Variants in WDR59 observed in about 807,000 individuals in gnomAD.
WDR59 encodes GATOR2 complex protein WDR59.
A neutral mutation model predicts 131.2 loss-of-function variants in WDR59; 100 were observed. That is an observed-to-expected ratio of 0.76 (90% confidence interval 0.65 to 0.90). WDR59 has a LOEUF of 0.90. WDR59 is among the 40% of genes least tolerant of loss of function. WDR59 has a pLI of 0.00. For synonymous variants in WDR59, 601 were observed against 466.2 expected, an observed-to-expected ratio of 1.29 and a Z score of -3.72; for missense variants, 1,203 against 1,262.2, an observed-to-expected ratio of 0.95 and a Z score of 0.71.
At chr16:74,959,594 T>C in intron 2 of WDR59, 3 of 430,384 alleles carry the variant, frequency 7.0e-6, no homozygotes, top group Non-Finnish European at 1.4e-5. Flanking sequence ...AGACCTTATC[T>C]GCATAAAGAA....
At chr16:74,928,236 C>T (rs2031046769) in intron 8 of WDR59, among the ~76,000 whole-genome samples, 1 of 129,358 alleles carries the variant, frequency 7.7e-6, no homozygotes, top group Non-Finnish European at 1.6e-5. Context: ...AGACAGAAGA[C>T]AGAATCTCAC....
chr16:74,906,615 G>GC (rs1827777252), intron 17 of WDR59, among the ~76,000 whole-genome samples: 1 of 152,172 alleles, frequency 6.6e-6, no homozygotes, highest in African/African-American at 2.4e-5. Context: ...TGGAAAGGAT[G>GC]CAACTATCTA....
At position 74,920,551 on chromosome 16, in the gene WDR59, C is replaced by G. The variant is rs115714458; in HGVS notation, c.886+1396G>C. Among the ~76,000 whole-genome samples, 745 of 152,310 alleles carry G rather than the reference C, an allele frequency of 4.9e-3. 7 individuals are homozygous for G. The highest frequency in any genetic ancestry group is 0.017 in the African/African-American group (716 of 41,560). ...AAGTAGCTGGGACTACAGGCATGCACTGCCACACCTGGCTCATTTTTGTAT... is the reference window on the plus strand; with the variant it reads ...AAGTAGCTGGGACTACAGGCATGCAGTGCCACACCTGGCTCATTTTTGTAT... On this transcript the variant is annotated intron_variant, in intron 10 of 25. Transcript: ENST00000262144.
At chr16:74,898,684 A>G (rs1965406693) in intron 18 of WDR59, among the ~76,000 whole-genome samples, 1 of 152,252 alleles carries the variant, frequency 6.6e-6, no homozygotes, top group Non-Finnish European at 1.5e-5. Context: ...AAATGGGTTG[A>G]ATGTAAAAGC....
At chr16:74,930,056 G>C (rs750904351) in intron 8 of WDR59, among the ~76,000 whole-genome samples, 26 of 152,168 alleles carry the variant, frequency 1.7e-4, no homozygotes, top group Admixed American at 8.5e-4. Context: ...GTAGAGCGGG[G>C]GGAGCCAGAA....
At chr16:74,940,890 C>T (rs1020817508) in intron 7 of WDR59, among the ~76,000 whole-genome samples, 1 of 151,780 alleles carries the variant, frequency 6.6e-6, no homozygotes, top group Admixed American at 6.6e-5. Context: ...ATTTTTAGTA[C>T]AGACGGGGTT....
chr16:74,949,686 A>G (rs1309101194), intron 5 of WDR59, 32 bp downstream of exon 5: 5 of 1,603,738 alleles, frequency 3.1e-6, no homozygotes, highest in Non-Finnish European at 3.4e-6. Flanking sequence ...ATCACCCCCA[A>G]CCAAGTGGTT....
At chr16:74,933,744 C>G (rs1336396328) in intron 8 of WDR59, among the ~76,000 whole-genome samples, 1 of 152,270 alleles carries the variant, frequency 6.6e-6, no homozygotes, top group African/African-American at 2.4e-5. Flanking sequence ...CACCACCACA[C>G]CAAGCTAATT....
At chr16:74,935,911 C>T (rs1159818302) in intron 8 of WDR59, among the ~76,000 whole-genome samples, 2 of 151,548 alleles carry the variant, frequency 1.3e-5, no homozygotes, top group Non-Finnish European at 1.5e-5. Context: ...GCAGGAGAAT[C>T]GCTTGAACCT....
intron 21 of WDR59, 62 bp from the exon 22 acceptor site, chr16:74,888,381 C>T (rs1415241130): frequency 6.5e-7 from 1 of 1,537,894 alleles, no homozygotes; most frequent in African/African-American, 1.4e-5. Context: ...GGAAAGCGGT[C>T]ACAGTCATGG....
At chr16:74,916,327 G>C in intron 11 of WDR59, 68 bp from the exon 12 acceptor site, 1 of 1,599,066 alleles carries the variant, frequency 6.3e-7, no homozygotes, top group South Asian at 1.1e-5. Flanking sequence ...TCTGATTAAA[G>C]AGTTCTGACT....
intron 1 of WDR59, among the ~76,000 whole-genome samples, chr16:74,969,336 G>T (rs1474616013): frequency 2.7e-5 from 4 of 148,102 alleles, no homozygotes; most frequent in Non-Finnish European, 6.0e-5. Context: ...GCAATGGCAC[G>T]ATCTTGGCTC....
chr16:74,918,073 G>T, intron 10 of WDR59, 65 bp from the exon 11 acceptor site: 1 of 1,490,946 alleles, frequency 6.7e-7, no homozygotes, highest in Non-Finnish European at 9.3e-7. Context: ...GCTAGAGGTT[G>T]AAATGGAGTG....
Position 74,909,543 on chromosome 16 carries a change from T to C in WDR59, c.1600A>G (p.Ile534Val). 6.2e-7 allele frequency: 1 copy of C among 1,602,858 alleles called. No homozygotes were observed. The highest frequency in any genetic ancestry group is 8.5e-7 in the Non-Finnish European group (1 of 1,176,046). Reference protein sequence around the residue: ...TAYGSYQDANIPFPRTSGARF... With the variant: ...TAYGSYQDANVPFPRTSGARF... ...GCCCCAGAAGTCCTAGGAAAGGGAA[T>C]GTTGGCGTCCTGGTACGACCCGTAA... Residue 534 changes from isoleucine to valine, a missense_variant, in exon 16 of 26, where the codon ATT becomes GTT. Ile to Val is a conservative substitution (Grantham distance 29). Coordinates refer to ENST00000262144, the MANE Select transcript of WDR59 (RefSeq NM_030581.4).
At chr16:74,899,245 T>C (rs536188470) in intron 18 of WDR59, among the ~76,000 whole-genome samples, 2 of 152,316 alleles carry the variant, frequency 1.3e-5, no homozygotes, top group Non-Finnish European at 1.5e-5. Context: ...GTTATGCCAA[T>C]GAAGCAGGTG....
At chr16:74,886,524 C>A in intron 23 of WDR59, 128 bp from the exon 24 acceptor site, 1 of 1,268,158 alleles carries the variant, frequency 7.9e-7, no homozygotes, top group Non-Finnish European at 1.1e-6. Flanking sequence ...GCTGAATATT[C>A]TGAGAAATAT....
chr16:74,883,388 T>C (rs938949284), intron 25 of WDR59, among the ~76,000 whole-genome samples: 1 of 152,196 alleles, frequency 6.6e-6, no homozygotes, highest in Non-Finnish European at 1.5e-5. Context: ...GTGAGGGTTC[T>C]GCAGTGTTTT....
rs12448858 is a variant in WDR59 at position 74,984,976 on chromosome 16, G to A, written c.42C>T (p.Phe14=). ...GCCTCTAGCTCACCTGGGAGTCACG[G>A]AACTCTACAACCACGTTTTCGCTGC... ...RWSSENVVVE[F]RDSQATAMSV... Residue 14 remains phenylalanine, a synonymous_variant, in exon 1 of 26, where the codon TTC becomes TTT. Transcript: ENST00000262144. The A allele has an allele frequency of 0.07, 112,329 of 1,602,674 alleles. 5,978 individuals are homozygous for A. Among genetic ancestry groups the A allele is most frequent in the African/African-American group, 0.28 (20,586 of 74,744 alleles).
chr16:74,918,787 C>T (rs949785690), intron 10 of WDR59, among the ~76,000 whole-genome samples: 4 of 152,138 alleles, frequency 2.6e-5, no homozygotes, highest in Admixed American at 2.6e-4. Context: ...GATGGGGAAA[C>T]TGAGGCAAGA....
Sources: gnomAD v4.1 joint callset for allele counts (sites outside exome capture counted in the v4.1 genomes callset) on GRCh38, gnomAD v4.1.1 for gene constraint, MANE v1.5 for transcripts, NCBI Gene and HGNC (gene_info 2026-07-23, HGNC 2026-07-21) for gene names.